NFIX: variants seen among roughly 807,000 people sequenced by gnomAD.
The protein encoded by NFIX is nuclear factor 1 X-type.
Under a neutral mutation model 53.3 loss-of-function variants are expected in NFIX, and 2 were observed. That is an observed-to-expected ratio of 0.04 (90% CI 0.02 to 0.12). NFIX has a LOEUF of 0.12. Among genes scored for constraint, NFIX ranks in the 10% least tolerant of loss-of-function variants. The probability of loss-of-function intolerance (pLI) is 1.00; values close to 1 mark genes in which losing one functional copy is unlikely to be tolerated. For missense variants in NFIX, 310 were observed against 674.5 expected (o/e 0.46, Z 5.99); for synonymous variants, 244 against 289.0 (o/e 0.84, Z 1.58).
rs1441752130 is a variant in NFIX at position 13,078,765 on chromosome 19, A to G, written c.1078+30A>G. 1 of 1,575,666 alleles carries G rather than the reference A, an allele frequency of 6.3e-7. No individual in the cohort carries two copies. The highest frequency in any genetic ancestry group is 8.6e-7 in the Non-Finnish European group (1 of 1,164,986). On this transcript the variant is annotated intron_variant, in intron 7 of 10. Coordinates refer to ENST00000592199, the MANE Select transcript of NFIX (RefSeq NM_001365902.3). This position sits in a 1 kb window ranked among gnomAD's most constrained non-coding sequence, Gnocchi z 4.7. ...GAAATGGGGGGCCCCGGAGGGGGGCAGTTGGGGAGGTGGCTGAGTATCTAG... is the reference window on the plus strand; with the variant it reads ...GAAATGGGGGGCCCCGGAGGGGGGCGGTTGGGGAGGTGGCTGAGTATCTAG...
At chr19:13,004,314 C>T (rs571154603) in intron 1 of NFIX, among the ~76,000 whole-genome samples, 6 of 152,248 alleles carry the variant, frequency 3.9e-5, no homozygotes, top group Admixed American at 1.3e-4. Context: ...TACACAGTCA[C>T]ACCCAAACAA....
At chr19:13,046,586 G>A (rs778202716) in intron 2 of NFIX, among the ~76,000 whole-genome samples, 2 of 151,994 alleles carry the variant, frequency 1.3e-5, no homozygotes, top group Non-Finnish European at 2.9e-5. Flanking sequence ...CATCGCTGGG[G>A]ACCCCCTTTA....
intron 1 of NFIX, among the ~76,000 whole-genome samples, chr19:12,997,330 G>C (rs1245801353): frequency 6.6e-6 from 1 of 152,232 alleles, no homozygotes; most frequent in African/African-American, 2.4e-5. Flanking sequence ...GGCCGGCCAT[G>C]GGCAGGCCTG....
In NFIX at chr19:13,037,826, T is replaced by C. The variant is rs990341381; in HGVS notation, c.559+12274T>C. 9.2e-5 allele frequency among the ~76,000 whole-genome samples: 14 copies of C among 152,038 alleles called. No individual in the cohort carries two copies. Among genetic ancestry groups the C allele is most frequent in the Admixed American group, 7.9e-4 (12 of 15,258 alleles). ...TCACAGTTGTGGGGGGAGGGTGCTA[T>C]TGGAATCTAGTGGGAAGAGTCTACT... On this transcript the variant is annotated intron_variant, in intron 2 of 10. Transcript: ENST00000592199. The surrounding 1 kb of genome is among the most constrained non-coding windows in gnomAD (Gnocchi z 4.2).
In NFIX at chr19:13,023,569, G is replaced by A. The variant is rs147954040; in HGVS notation, c.28-1452G>A. Among the ~76,000 whole-genome samples the A allele has an allele frequency of 2.7e-4, 40 of 149,620 alleles. No homozygotes were observed. In the East Asian group the frequency reaches 6.0e-3, roughly 23 times the overall value. On this transcript the variant is annotated intron_variant, in intron 1 of 10. Coordinates refer to ENST00000592199, the MANE Select transcript of NFIX (RefSeq NM_001365902.3). ...TTTGCACGGGGGTGGGGTGGGGTGC[G>A]TTGTTGGTTGTGGGGAGATGGTGGG... is the stretch of plus-strand genomic sequence containing the variant.
chr19:13,079,025 T>C (rs1242830590), intron 7 of NFIX, among the ~76,000 whole-genome samples: 1 of 152,178 alleles, frequency 6.6e-6, no homozygotes, highest in Admixed American at 6.5e-5. Context: ...TCCCGAGTCC[T>C]CCCCAACTCT....
At position 13,027,940 on chromosome 19, in the gene NFIX, A is replaced by C. The variant is rs937761549; in HGVS notation, c.559+2388A>C. On this transcript the variant is annotated intron_variant, in intron 2 of 10. Transcript: ENST00000592199. The surrounding 1 kb of genome is among the most constrained non-coding windows in gnomAD (Gnocchi z 4.3). The stretch of plus-strand genomic sequence containing the variant: ...TTTCAGTGAAGGTAGGATTTTTCTC[A>C]CTGGAATTGCTTTAGTTTGAGTGTG... 6.6e-6 allele frequency among the ~76,000 whole-genome samples: 1 copy of C among 152,150 alleles called. No individual in the cohort carries two copies. The highest frequency in any genetic ancestry group is 1.9e-4 in the East Asian group (1 of 5,186).
intron 8 of NFIX, among the ~76,000 whole-genome samples, chr19:13,085,054 A>C (rs1012210475): frequency 7.0e-6 from 1 of 142,108 alleles, no homozygotes; most frequent in Non-Finnish European, 1.5e-5. Context: ...TGGGCGACAG[A>C]GTGAGACTCC....
chr19:13,026,162 G>A (rs528649612), intron 2 of NFIX, among the ~76,000 whole-genome samples: 2 of 152,282 alleles, frequency 1.3e-5, no homozygotes, highest in Admixed American at 6.5e-5. Context: ...CTGGGATTTG[G>A]CTGTCAGTAT....
intron 2 of NFIX, among the ~76,000 whole-genome samples, chr19:13,057,427 G>A (rs1053596631): frequency 1.3e-5 from 2 of 152,102 alleles, no homozygotes; most frequent in Non-Finnish European, 2.9e-5. Context: ...ACAATTTGCC[G>A]CTGCCAGCCT....
In NFIX at chr19:13,027,596, G is replaced by T. The variant is rs764689433; in HGVS notation, c.559+2044G>T. ...CTGGCTTCCTCCAACCCCGCTCTCT[G>T]ACTGGATCCTTGTAGCTGAGTTGTT... On this transcript the variant is annotated intron_variant, in intron 2 of 10. Transcript: ENST00000592199. The surrounding 1 kb of genome is among the most constrained non-coding windows in gnomAD (Gnocchi z 4.3). Among the ~76,000 whole-genome samples, 24 of 152,132 alleles carry T rather than the reference G, an allele frequency of 1.6e-4. No homozygotes were observed. The highest frequency in any genetic ancestry group is 2.9e-4 in the Non-Finnish European group (20 of 68,030).
chr19:13,024,977 C>A, intron 1 of NFIX, 44 bp from the exon 2 acceptor site: 1 of 1,555,236 alleles, frequency 6.4e-7, no homozygotes, highest in East Asian at 2.4e-5. Context: ...TTCCCCTCCT[C>A]CCGTCCTCCC....
chr19:13,060,239 T>C lies in NFIX; in HGVS notation c.560-12808T>C, dbSNP rs2015989655. On this transcript the variant is annotated intron_variant, in intron 2 of 10. Coordinates refer to ENST00000592199, the MANE Select transcript of NFIX (RefSeq NM_001365902.3). The surrounding 1 kb of genome is among the most constrained non-coding windows in gnomAD (Gnocchi z 4.3). ...TCCTTGGAGAACAGAGTGGATGAAC[T>C]CAGTCCCCACCTCTCAGAGGGACCT... 6.6e-6 allele frequency among the ~76,000 whole-genome samples: 1 copy of C among 152,198 alleles called. No individual in the cohort carries two copies. The highest frequency in any genetic ancestry group is 1.5e-5 in the Non-Finnish European group (1 of 68,032).
rs978163148 is a variant in NFIX, at chr19:13,066,296, G to A, written c.560-6751G>A. Among the ~76,000 whole-genome samples the A allele has an allele frequency of 9.9e-5, 15 of 152,134 alleles. No homozygotes were observed. Among genetic ancestry groups the A allele is most frequent in the African/African-American group, 3.4e-4 (14 of 41,396 alleles). On this transcript the variant is annotated intron_variant, in intron 2 of 10. Coordinates refer to ENST00000592199, the MANE Select transcript of NFIX (RefSeq NM_001365902.3). This position sits in a 1 kb window ranked among gnomAD's most constrained non-coding sequence, Gnocchi z 4.2. ...CTTCCTGGGGTCAGGGGATGGAGAG[G>A]GGAATGTCCCATCCAGATGCTGGCC...
rs1479413943 is a variant in NFIX at position 13,002,558 on chromosome 19, G to A, written c.27+6694G>A. Among the ~76,000 whole-genome samples the A allele has an allele frequency of 6.6e-6, 1 of 152,126 alleles. No individual in the cohort carries two copies. The highest frequency in any genetic ancestry group is 6.5e-5 in the Admixed American group (1 of 15,280). ...AATGGGCAGGGTGACTGAGCTGCCC[G>A]GCGGGGCGGGCGGGCAGGGAGGGGT... On this transcript the variant is annotated intron_variant, in intron 1 of 10. Transcript: ENST00000592199. The surrounding 1 kb of genome is among the most constrained non-coding windows in gnomAD (Gnocchi z 6.1).
chr19:13,044,744 C>A (rs2014873947), intron 2 of NFIX, among the ~76,000 whole-genome samples: 1 of 152,174 alleles, frequency 6.6e-6, no homozygotes, highest in Non-Finnish European at 1.5e-5. Flanking sequence ...CGCTATTAAT[C>A]TACCTGTTAG....
intron 1 of NFIX, among the ~76,000 whole-genome samples, chr19:13,024,194 G>A (rs1199300505): frequency 1.3e-5 from 2 of 151,914 alleles, no homozygotes; most frequent in Non-Finnish European, 2.9e-5. Flanking sequence ...GGGTGAAGGG[G>A]TTGTGGGAGG....
rs1048616696 is a variant in NFIX at position 13,002,734 on chromosome 19, C to T, written c.27+6870C>T. Among the ~76,000 whole-genome samples, 2 of 152,160 alleles carry T rather than the reference C, an allele frequency of 1.3e-5. No homozygotes were observed. Among genetic ancestry groups the T allele is most frequent in the Non-Finnish European group, 2.9e-5 (2 of 68,008 alleles). Reference sequence around the variant, plus strand: ...GGGAGGCGGGTAGCGGGCACTGCGGCGCTCTGCAGCCAATCGGAAGCCGGG... The same window carrying T: ...GGGAGGCGGGTAGCGGGCACTGCGGTGCTCTGCAGCCAATCGGAAGCCGGG... On this transcript the variant is annotated intron_variant, in intron 1 of 10. Transcript: ENST00000592199. The surrounding 1 kb of genome is among the most constrained non-coding windows in gnomAD (Gnocchi z 6.1).
rs1179588278 is a variant in NFIX at position 12,996,260 on chromosome 19, G to A, written c.27+396G>A. On this transcript the variant is annotated intron_variant, in intron 1 of 10. Transcript: ENST00000592199. This position sits in a 1 kb window ranked among gnomAD's most constrained non-coding sequence, Gnocchi z 5.2. ...CACCCGGGCAGCGTGGTCGCTGGCA[G>A]TGTTTGCGGGGTTGACAGAGTGGCA... 1.3e-5 allele frequency among the ~76,000 whole-genome samples: 2 copies of A among 152,056 alleles called. No individual in the cohort carries two copies. Among genetic ancestry groups the A allele is most frequent in the African/African-American group, 2.4e-5 (1 of 41,420 alleles).
Sources: gnomAD v4.1 joint callset for allele counts (sites outside exome capture counted in the v4.1 genomes callset) on GRCh38, gnomAD v4.1.1 for gene constraint, Gnocchi (gnomAD v3.1) non-coding constraint, MANE v1.5 for transcripts, NCBI Gene and HGNC (gene_info 2026-07-23, HGNC 2026-07-21) for gene names.